HNRNPD: variants seen among roughly 807,000 people sequenced by gnomAD.
HNRNPD encodes the protein heterogeneous nuclear ribonucleoprotein D0.
In HNRNPD, 3 loss-of-function variants were observed where a neutral mutation model predicts 47.9. The observed-to-expected ratio is 0.06, with a 90% CI of 0.03 to 0.16. The LOEUF (loss-of-function observed/expected upper bound fraction) is 0.16. Among genes scored for constraint, HNRNPD ranks in the 10% least tolerant of loss-of-function variants. The pLI, the probability that HNRNPD is intolerant of heterozygous loss-of-function variation, is 1.00. For synonymous variants in HNRNPD, 171 were observed against 165.1 expected (o/e 1.04, Z -0.28); for missense variants, 287 against 454.2 (o/e 0.63, Z 3.35).
In HNRNPD at chr4:82,353,272, T is replaced by A. The variant is rs895357682; in HGVS notation, c.*913A>T. On this transcript the variant is annotated 3_prime_UTR_variant, in exon 9 of 9. Coordinates refer to ENST00000313899, the MANE Select transcript of HNRNPD (RefSeq NM_031370.3). ...AATTTTAAGGCCCTAACCAAAAAAA[T>A]AAAACCTTTGAGAAATGGAAAATAA... is the stretch of plus-strand genomic sequence containing the variant. 6 of 152,030 alleles carry A rather than the reference T, an allele frequency of 3.9e-5. No individual in the cohort carries two copies. Among genetic ancestry groups the A allele is most frequent in the African/African-American group, 1.5e-4 (6 of 41,376 alleles). The allele number at this position is 152,030 out of a possible 1,614,324, so 9.4% of individuals were successfully genotyped here.
At chr4:82,354,632 A>G (rs1450820672) in intron 8 of HNRNPD, 2 of 152,792 alleles carry the variant, frequency 1.3e-5, no homozygotes, top group East Asian at 3.9e-4. Flanking sequence ...CAACGTCTAT[A>G]AATGGGAAAA....
At position 82,373,492 on chromosome 4, in the gene HNRNPD, A is replaced by C. The variant is rs751555736; in HGVS notation, c.187T>G (p.Ser63Ala). Residue 63 changes from serine (S) to alanine (A), a missense_variant, in exon 1 of 9, where the codon TCG becomes GCG. Physicochemically the swap from Ser to Ala is moderately conservative, Grantham distance 99 (BLOSUM62 1). Coordinates refer to ENST00000313899, the MANE Select transcript of HNRNPD (RefSeq NM_031370.3). ...SGGTEGGSAE[S>A]EGAKIDASKN... ...CTGGCGTCAATCTTCGCCCCCTCCGACTCGGCGCTGCCCCCTTCGGTGCCT... is the reference window on the plus strand; with the variant it reads ...CTGGCGTCAATCTTCGCCCCCTCCGCCTCGGCGCTGCCCCCTTCGGTGCCT... 3.0e-5 allele frequency: 47 copies of C among 1,550,606 alleles called. No individual in the cohort carries two copies. Among genetic ancestry groups the C allele is most frequent in the Admixed American group, 3.9e-5 (2 of 50,974 alleles).
At chr4:82,358,489 T>C in intron 4 of HNRNPD, 170 bp downstream of exon 4, 2 of 592,030 alleles carry the variant, frequency 3.4e-6, no homozygotes, top group Non-Finnish European at 5.8e-6. Context: ...AAACACATTA[T>C]CCAACCTTCA....
chr4:82,353,743 C>A lies in HNRNPD; in HGVS notation c.*442G>T, dbSNP rs142246431. ...GCAATTTTAATCATGTCCTCAATTT[C>A]GGCAAGCCTGTCTTCCAAACTTATG... On this transcript the variant is annotated 3_prime_UTR_variant, in exon 9 of 9. Coordinates refer to ENST00000313899, the MANE Select transcript of HNRNPD (RefSeq NM_031370.3). 1 of 152,630 alleles carries A rather than the reference C, an allele frequency of 6.6e-6. No individual in the cohort carries two copies. The highest frequency in any genetic ancestry group is 1.5e-5 in the Non-Finnish European group (1 of 68,026). The allele number at this position is 152,630 out of a possible 1,614,324, so 9.5% of individuals were successfully genotyped here.
intron 8 of HNRNPD, chr4:82,354,500 T>C (rs987489243): frequency 6.6e-6 from 1 of 152,646 alleles, no homozygotes; most frequent in Non-Finnish European, 1.5e-5. Context: ...GATAAGCATA[T>C]CTCTTGTCCA....
At chr4:82,366,629 C>T (rs560447974) in intron 2 of HNRNPD, among the ~76,000 whole-genome samples, 1 of 152,162 alleles carries the variant, frequency 6.6e-6, no homozygotes, top group East Asian at 1.9e-4. Flanking sequence ...TGCAGTGGTG[C>T]AACCTTGTCT....
intron 4 of HNRNPD, 37 bp from the exon 5 acceptor site, chr4:82,357,481 C>T (rs764858654): frequency 9.6e-6 from 15 of 1,558,176 alleles, no homozygotes; most frequent in African/African-American, 1.4e-5. Context: ...TGCTAACATG[C>T]ATTTTATTGA....
Position 82,359,519 on chromosome 4 carries a change from T to C in HNRNPD, c.411A>G (p.Ser137=), listed in dbSNP as rs1226380129. 1.2e-6 allele frequency: 2 copies of C among 1,600,302 alleles called. No individual in the cohort carries two copies. Among genetic ancestry groups the C allele is most frequent in the East Asian group, 2.2e-5 (1 of 44,740 alleles). The change falls in exon 3 of 9, where the codon TCA becomes TCG. Residue 137 remains serine (S), a synonymous_variant. Coordinates refer to ENST00000313899, the MANE Select transcript of HNRNPD (RefSeq NM_031370.3). ...TAAATAGCACAAAGCCAAAACCCCTTGATCGCCCTGTGATAGGATCTAACT... is the reference window on the plus strand; with the variant it reads ...TAAATAGCACAAAGCCAAAACCCCTCGATCGCCCTGTGATAGGATCTAACT... ...TLKLDPITGR[S]RGFGFVLFKE... is the part of the protein sequence containing the mutation.
intron 7 of HNRNPD, chr4:82,356,328 T>C (rs972490222): frequency 1.5e-5 from 7 of 482,440 alleles, no homozygotes; most frequent in African/African-American, 1.2e-4. Context: ...CAAACATATA[T>C]AGAACCACAC....
chr4:82,366,262 G>A (rs966874504), intron 2 of HNRNPD, among the ~76,000 whole-genome samples: 2 of 152,054 alleles, frequency 1.3e-5, no homozygotes, highest in Admixed American at 1.3e-4. Context: ...TTTTGGGAGG[G>A]GGACAGAGTC....
chr4:82,359,397 C>T lies in HNRNPD; in HGVS notation c.459+74G>A, dbSNP rs914351910. The T allele has an allele frequency of 2.0e-5, 22 of 1,097,580 alleles. No individual in the cohort carries two copies. In the African/African-American group the frequency reaches 3.4e-4, roughly 17 times the overall value. The allele number at this position is 1,097,580 out of a possible 1,614,324, so 68.0% of individuals were successfully genotyped here. A position where few individuals can be genotyped will look rare whatever the true frequency, so the allele number is the denominator to read the frequency against. On this transcript the variant is annotated intron_variant, in intron 3 of 8. Transcript: ENST00000313899. ...ATCAAAATGGGGAACCACAAATAGG[C>T]AAACTCATTGTATCAAACTATCCAT...
chr4:82,373,331 C>T, intron 1 of HNRNPD, 115 bp downstream of exon 1: 6 of 1,359,672 alleles, frequency 4.4e-6, no homozygotes, highest in Non-Finnish European at 5.9e-6. Context: ...TGCAAGGAGG[C>T]TGCATGGGGG....
chr4:82,360,929 T>A (rs1937147090), intron 2 of HNRNPD, among the ~76,000 whole-genome samples: 1 of 152,182 alleles, frequency 6.6e-6, no homozygotes, highest in South Asian at 2.1e-4. Flanking sequence ...CAGTGCAGAG[T>A]AAGTCTTAGG....
intron 2 of HNRNPD, among the ~76,000 whole-genome samples, chr4:82,362,246 T>A (rs1346010799): frequency 6.6e-6 from 1 of 152,234 alleles, no homozygotes; most frequent in Non-Finnish European, 1.5e-5. Flanking sequence ...AAGTTCTACT[T>A]TTCATTTTTG....
At chr4:82,365,370 G>T (rs1472931306) in intron 2 of HNRNPD, among the ~76,000 whole-genome samples, 1 of 152,004 alleles carries the variant, frequency 6.6e-6, no homozygotes, top group East Asian at 1.9e-4. Flanking sequence ...AATCCTTACT[G>T]AATTTTTCCA....
At chr4:82,373,370 A>G (rs1304060599) in intron 1 of HNRNPD, 76 bp downstream of exon 1, 2 of 1,491,588 alleles carry the variant, frequency 1.3e-6, no homozygotes, top group African/African-American at 2.9e-5. Context: ...AGCGGGAACC[A>G]GGCCTAATGG....
chr4:82,361,083 A>C (rs1560435415), intron 2 of HNRNPD, among the ~76,000 whole-genome samples: 1 of 152,218 alleles, frequency 6.6e-6, no homozygotes. Flanking sequence ...GCATTTTATA[A>C]TCAAATGAAC....
chr4:82,356,639 G>A lies in HNRNPD; in HGVS notation c.898C>T (p.Gln300Ter). 6.2e-7 allele frequency: 1 copy of A among 1,612,714 alleles called. No individual in the cohort carries two copies. The highest frequency in any genetic ancestry group is 8.5e-7 in the Non-Finnish European group (1 of 1,179,952). Residue 300 changes from glutamine to a stop codon, truncating the protein, a stop_gained, in exon 7 of 9, where the codon CAA becomes TAA. Transcript: ENST00000313899. LOFTEE classifies it high-confidence loss of function. ...WNQGYSNYWNQGYGNYGYNSQ... is the reference protein window; with the variant it reads ...WNQGYSNYWN ...TTATATCCATAGTTGCCATAGCCTTGATTCCAATAGTTACTATATCCCTGG... is the reference window on the plus strand; with the variant it reads ...TTATATCCATAGTTGCCATAGCCTTAATTCCAATAGTTACTATATCCCTGG...
intron 2 of HNRNPD, 32 bp from the exon 3 acceptor site, chr4:82,359,671 TA>T (rs746249630): frequency 2.3e-5 from 34 of 1,456,286 alleles, no homozygotes; most frequent in East Asian, 7.0e-5. Context: ...TTAAAATGCT[TA>T]AAAAAAATTG....
Sources: allele counts gnomAD v4.1 joint callset (sites outside exome capture counted in the v4.1 genomes callset), GRCh38; gene constraint gnomAD v4.1.1; transcripts MANE v1.5; gene names NCBI Gene and HGNC (gene_info 2026-07-23, HGNC 2026-07-21).